The following NLRP3 variants were observed in gnomAD, a reference collection of about 807,000 sequenced individuals.
NLRP3 encodes the protein NLR family pyrin domain containing 3, also known as NACHT, LRR and PYD domains-containing protein 3.
In NLRP3, 48 loss-of-function variants were observed where a neutral mutation model predicts 91.3. That is an observed-to-expected ratio of 0.53 (90% CI 0.42 to 0.67). NLRP3 has a LOEUF of 0.67. Among genes scored for constraint, NLRP3 ranks in the 30% least tolerant of loss-of-function variants. The probability of loss-of-function intolerance (pLI) is 0.00; values close to 1 mark genes in which losing one functional copy is unlikely to be tolerated. For synonymous variants in NLRP3, 561 were observed against 507.9 expected (o/e 1.10, Z -1.41); for missense variants, 982 against 1,276.9 (o/e 0.77, Z 3.52).
chr1:247,424,452 A>C lies in NLRP3; in HGVS notation c.1003A>C (p.Arg335=), dbSNP rs766356926. The C allele has an allele frequency of 6.2e-7, 1 of 1,614,212 alleles. No homozygotes were observed. The highest frequency in any genetic ancestry group is 1.1e-5 in the South Asian group (1 of 91,084). The change falls in exon 4 of 10, where the codon AGA becomes CGA. Residue 335 remains arginine, a synonymous_variant. Transcript: ENST00000336119. This position sits in a 1 kb window ranked among gnomAD's most constrained non-coding sequence, Gnocchi z 8.1. ...RGDILLSSLI[R]KKLLPEASLL... Reference sequence around the variant, plus strand: ...AGACATTCTCCTGAGCAGCCTCATCAGAAAGAAGCTGCTTCCCGAGGCCTC... The same window carrying C: ...AGACATTCTCCTGAGCAGCCTCATCCGAAAGAAGCTGCTTCCCGAGGCCTC...
At chr1:247,437,929 G>A (rs376532776) in intron 7 of NLRP3, among the ~76,000 whole-genome samples, 16 of 152,212 alleles carry the variant, frequency 1.1e-4, no homozygotes, top group Non-Finnish European at 2.1e-4. Context: ...AGGCCCAGGC[G>A]TAGGCACTCA....
intron 7 of NLRP3, among the ~76,000 whole-genome samples, chr1:247,438,444 C>T (rs920663356): frequency 1.3e-4 from 17 of 131,494 alleles, no homozygotes; most frequent in South Asian, 2.5e-4. Flanking sequence ...AATGCAGTGG[C>T]GCAATCTTGG....
chr1:247,446,249 A>G (rs1412356455), intron 9 of NLRP3, among the ~76,000 whole-genome samples: 1 of 152,006 alleles, frequency 6.6e-6, no homozygotes, highest in Non-Finnish European at 1.5e-5. Context: ...AGCCACCATC[A>G]CCTGGTGTCT....
At chr1:247,438,793 A>G (rs1042133266) in intron 7 of NLRP3, among the ~76,000 whole-genome samples, 1 of 152,214 alleles carries the variant, frequency 6.6e-6, no homozygotes. Context: ...TATCATTCAC[A>G]AACTTTTTAT....
At chr1:247,444,875 G>C (rs571284443) in intron 9 of NLRP3, 54 bp downstream of exon 9, 1 of 1,579,214 alleles carries the variant, frequency 6.3e-7, no homozygotes, top group Non-Finnish European at 8.7e-7. Context: ...CTCAGGAAAC[G>C]TTGACTGTTA....
intron 2 of NLRP3, among the ~76,000 whole-genome samples, chr1:247,420,453 C>A (rs1012098774): frequency 6.6e-6 from 1 of 151,832 alleles, no homozygotes; most frequent in African/African-American, 2.4e-5. Flanking sequence ...GTGGCTCATG[C>A]CTGTAATTCC....
intron 9 of NLRP3, 65 bp downstream of exon 9, chr1:247,444,886 T>A: frequency 1.3e-6 from 2 of 1,555,282 alleles, no homozygotes; most frequent in Middle Eastern, 2.2e-4. Flanking sequence ...TTGACTGTTA[T>A]CAAAATCCAG....
intron 1 of NLRP3, among the ~76,000 whole-genome samples, chr1:247,416,651 CTG>C (rs1662091337): frequency 8.6e-6 from 1 of 116,518 alleles, no homozygotes; most frequent in African/African-American, 3.6e-5. Context: ...GCTAATAGGG[CTG>C]TCTGGAGAGC....
chr1:247,427,154 C>G (rs1051495089), intron 4 of NLRP3, among the ~76,000 whole-genome samples: 3 of 152,102 alleles, frequency 2.0e-5, no homozygotes, highest in Non-Finnish European at 4.4e-5. Flanking sequence ...CTCACTGTGT[C>G]CTTACATGGT....
At chr1:247,445,262 A>G (rs1056037694) in intron 9 of NLRP3, among the ~76,000 whole-genome samples, 3 of 151,836 alleles carry the variant, frequency 2.0e-5, no homozygotes, top group Admixed American at 1.3e-4. Context: ...GTGCAGTGGC[A>G]TGATCTCGGC....
intron 9 of NLRP3, among the ~76,000 whole-genome samples, chr1:247,448,011 C>G (rs935689686): frequency 1.4e-5 from 2 of 144,444 alleles, no homozygotes; most frequent in African/African-American, 5.1e-5. Context: ...GCACTTAGAG[C>G]TTTTTTTTTT....
At chr1:247,417,576 G>T (rs572574812) in intron 1 of NLRP3, among the ~76,000 whole-genome samples, 1 of 152,160 alleles carries the variant, frequency 6.6e-6, no homozygotes, top group African/African-American at 2.4e-5. Flanking sequence ...CCGCCTCCTG[G>T]GTTCAAGCGA....
chr1:247,443,582 T>A (rs542120876), intron 7 of NLRP3, among the ~76,000 whole-genome samples: 3 of 147,358 alleles, frequency 2.0e-5, no homozygotes, highest in Admixed American at 2.0e-4. Flanking sequence ...AAAAGGCCCC[T>A]GCAGTGTGGG....
intron 7 of NLRP3, among the ~76,000 whole-genome samples, chr1:247,442,779 C>T (rs1418333037): frequency 6.6e-6 from 1 of 152,144 alleles, no homozygotes; most frequent in Non-Finnish European, 1.5e-5. Flanking sequence ...TCAAATAAGA[C>T]TGGTCTCTGG....
chr1:247,425,077 A>C lies in NLRP3; in HGVS notation c.1628A>C (p.Asn543Thr), dbSNP rs1295269678. 1 of 1,614,162 alleles carries C rather than the reference A, an allele frequency of 6.2e-7. No individual in the cohort carries two copies. The highest frequency in any genetic ancestry group is 2.2e-5 in the East Asian group (1 of 44,870). Reference sequence around the variant, plus strand: ...GAAGAGGAAAAGGAAGGAAGGACGAACGTTCCAGGGAGTCGTTTGAAGCTT... The same window carrying C: ...GAAGAGGAAAAGGAAGGAAGGACGACCGTTCCAGGGAGTCGTTTGAAGCTT... Reference protein sequence around the residue: ...LLEEEKEGRTNVPGSRLKLPS... With the variant: ...LLEEEKEGRTTVPGSRLKLPS... Residue 543 changes from asparagine (N) to threonine (T), a missense_variant, in exon 4 of 10, where the codon AAC (asparagine) becomes ACC (threonine). Coordinates refer to ENST00000336119, the MANE Select transcript of NLRP3 (RefSeq NM_001243133.2). The surrounding 1 kb of genome is among the most constrained non-coding windows in gnomAD (Gnocchi z 4.1).
chr1:247,427,008 C>T (rs78006664), intron 4 of NLRP3, among the ~76,000 whole-genome samples: 182 of 152,286 alleles, frequency 1.2e-3, no homozygotes, highest in African/African-American at 4.1e-3. Flanking sequence ...GTTGCCATAA[C>T]AAAACACTGC....
At position 247,425,848 on chromosome 1, in the gene NLRP3, G is replaced by A. The variant is rs547525837; in HGVS notation, c.2150+249G>A. On this transcript the variant is annotated intron_variant, in intron 4 of 9. Transcript: ENST00000336119. This position sits in a 1 kb window ranked among gnomAD's most constrained non-coding sequence, Gnocchi z 4.1. ...TTGGGGAATGCCAGTTTAGCACAAG[G>A]TATTAAGTAGGATGTAGGATTGCCT... The A allele has an allele frequency of 7.6e-6, 4 of 527,610 alleles. No individual in the cohort carries two copies. In the South Asian group the frequency reaches 8.2e-5, roughly 11 times the overall value. The allele number at this position is 527,610 out of a possible 1,614,324, so 32.7% of individuals were successfully genotyped here. A position where few individuals can be genotyped will look rare whatever the true frequency, so the allele number is the denominator to read the frequency against.
chr1:247,441,974 C>T (rs979989482), intron 7 of NLRP3, among the ~76,000 whole-genome samples: 1 of 152,140 alleles, frequency 6.6e-6, no homozygotes, highest in African/African-American at 2.4e-5. Context: ...CTTTGAAGAC[C>T]ATCCCCATTC....
At chr1:247,419,452 G>C (rs988306540) in intron 2 of NLRP3, among the ~76,000 whole-genome samples, 1 of 152,142 alleles carries the variant, frequency 6.6e-6, no homozygotes, top group Non-Finnish European at 1.5e-5. Context: ...ACCGCGCCCG[G>C]CCGTAATAAT....
Sources: gnomAD v4.1 joint callset for allele counts (sites outside exome capture counted in the v4.1 genomes callset) on GRCh38, gnomAD v4.1.1 for gene constraint, Gnocchi (gnomAD v3.1) non-coding constraint, MANE v1.5 for transcripts, NCBI Gene and HGNC (gene_info 2026-07-23, HGNC 2026-07-21) for gene names.